The following CEP350 variants were observed in gnomAD, a reference collection of about 807,000 sequenced individuals.
The protein encoded by CEP350 is centrosomal protein 350.
Under a neutral mutation model 331.8 loss-of-function variants are expected in CEP350, and 126 were observed. The ratio of observed to expected loss-of-function variants is 0.38; its 90% CI spans 0.33 to 0.44. The LOEUF (loss-of-function observed/expected upper bound fraction) is 0.44, where lower values mean the gene tolerates loss of function less well. Among genes scored for constraint, CEP350 ranks in the 20% least tolerant of loss-of-function variants. CEP350 has a pLI of 1.00. For synonymous variants in CEP350, 1,200 were observed against 1,259.5 expected (o/e 0.95, Z 1.00); for missense variants, 3,406 against 3,634.6 (o/e 0.94, Z 1.62).
intron 29 of CEP350, among the ~76,000 whole-genome samples, chr1:180,080,304 A>T (rs769506937): frequency 6.6e-6 from 1 of 152,226 alleles, no homozygotes; most frequent in African/African-American, 2.4e-5. Flanking sequence ...CTTCAAAAAA[A>T]AATGAGGTCT....
chr1:180,014,197 C>T lies in CEP350; in HGVS notation c.1744C>T (p.Pro582Ser). ...TGACAAAATAACAGCTAATGAAGAT[C>T]CCCCTGTTATTTCCAAAAGGCGCCA... ...KPDKITANEDPPVISKRRHYD... is the reference protein window; with the variant it reads ...KPDKITANEDSPVISKRRHYD... The change falls in exon 10 of 38, where the codon CCC (proline) becomes TCC (serine). Residue 582 changes from proline to serine, a missense_variant. This residue lies in a region of CEP350 where 1,857 missense variants were observed against 1,909.2 expected (regional missense o/e 0.97). Coordinates refer to ENST00000367607, the MANE Select transcript of CEP350 (RefSeq NM_014810.5). 1 of 1,609,892 alleles carries T rather than the reference C, an allele frequency of 6.2e-7. No individual in the cohort carries two copies. Among genetic ancestry groups the T allele is most frequent in the Admixed American group, 1.7e-5 (1 of 59,284 alleles).
intron 29 of CEP350, 37 bp from the exon 30 acceptor site, chr1:180,080,480 C>G (rs373087251): frequency 1.3e-6 from 2 of 1,584,876 alleles, no homozygotes; most frequent in African/African-American, 2.7e-5. Flanking sequence ...ACAATTATAT[C>G]AAAAAATAGT....
At chr1:179,994,525 C>A (rs911619514) in intron 5 of CEP350, among the ~76,000 whole-genome samples, 5 of 150,420 alleles carry the variant, frequency 3.3e-5, no homozygotes, top group African/African-American at 4.9e-5. Context: ...CCAATCACAG[C>A]TCACTACAGC....
intron 27 of CEP350, chr1:180,073,684 G>A (rs1659040526): frequency 2.4e-6 from 2 of 822,938 alleles, no homozygotes; most frequent in African/African-American, 3.6e-5. Context: ...TGTTCTTCAG[G>A]AAGCATATTA....
chr1:180,052,019 G>A (rs777782119), intron 22 of CEP350, among the ~76,000 whole-genome samples: 1 of 152,118 alleles, frequency 6.6e-6, no homozygotes, highest in African/African-American at 2.4e-5. Flanking sequence ...ACATAAGTAC[G>A]AATTCATGTT....
chr1:180,076,661 C>T (rs1160348998), intron 28 of CEP350, among the ~76,000 whole-genome samples: 2 of 152,056 alleles, frequency 1.3e-5, no homozygotes, highest in Non-Finnish European at 2.9e-5. Context: ...TGGTGGCACA[C>T]ACCTGTGGTC....
intron 21 of CEP350, among the ~76,000 whole-genome samples, chr1:180,047,974 A>G (rs1657242396): frequency 6.6e-6 from 1 of 152,138 alleles, no homozygotes; most frequent in African/African-American, 2.4e-5. Context: ...GAAAAGTTGC[A>G]AGAATAATAG....
intron 4 of CEP350, among the ~76,000 whole-genome samples, chr1:179,991,240 C>T (rs1653033423): frequency 6.7e-6 from 1 of 150,170 alleles, no homozygotes; most frequent in Non-Finnish European, 1.5e-5. Flanking sequence ...CATATGGTGA[C>T]TGTCATAAAT....
chr1:180,034,221 C>T, intron 16 of CEP350, 139 bp downstream of exon 16: 1 of 1,139,878 alleles, frequency 8.8e-7, no homozygotes, highest in South Asian at 1.7e-5. Context: ...GTATTAAAAA[C>T]TGCAAGAAAT....
chr1:180,055,115 T>C (rs1298811423), intron 25 of CEP350, among the ~76,000 whole-genome samples: 1 of 152,218 alleles, frequency 6.6e-6, no homozygotes, highest in Non-Finnish European at 1.5e-5. Flanking sequence ...AGGGTTGTTT[T>C]AAGAAATAAG....
intron 37 of CEP350, among the ~76,000 whole-genome samples, chr1:180,099,917 C>G (rs1660705802): frequency 6.6e-6 from 1 of 151,848 alleles, no homozygotes; most frequent in African/African-American, 2.4e-5. Context: ...TCCCGAGTAG[C>G]TGGGATTACA....
chr1:180,049,843 A>G (rs183295627), intron 22 of CEP350, among the ~76,000 whole-genome samples: 51 of 152,144 alleles, frequency 3.4e-4, no homozygotes, highest in Non-Finnish European at 7.1e-4. Context: ...CGCCTGGCCT[A>G]CTTACCCTCT....
intron 1 of CEP350, among the ~76,000 whole-genome samples, chr1:179,977,488 T>C (rs954012525): frequency 5.3e-5 from 8 of 152,292 alleles, no homozygotes; most frequent in African/African-American, 1.9e-4. Context: ...TCCAGCCAAA[T>C]TGGTAATAGT....
At chr1:180,026,130 G>A (rs1418035044) in intron 14 of CEP350, among the ~76,000 whole-genome samples, 1 of 152,020 alleles carries the variant, frequency 6.6e-6, no homozygotes, top group Non-Finnish European at 1.5e-5. Flanking sequence ...AATTAGCCAG[G>A]CATGTTGGTG....
chr1:179,955,372 G>A (rs1475968805), intron 1 of CEP350, among the ~76,000 whole-genome samples: 1 of 152,126 alleles, frequency 6.6e-6, no homozygotes, highest in East Asian at 1.9e-4. Flanking sequence ...CCTTCCTTAC[G>A]TGCCAGTGTC....
At chr1:180,077,030 C>T (rs1211492279) in intron 28 of CEP350, among the ~76,000 whole-genome samples, 1 of 151,984 alleles carries the variant, frequency 6.6e-6, no homozygotes, top group Admixed American at 6.6e-5. Flanking sequence ...CTACACAGTA[C>T]ATTTAAGGCT....
Position 179,974,055 on chromosome 1 carries a change from TG to T in CEP350, c.-13-12113del, listed in dbSNP as rs201226451. ...CCTTTATTTTTTTCTGTTTTTTTTT[TG>T]TTGTTGTTGCTGGTGTTTGTTTGTT... On this transcript the variant is annotated intron_variant, in intron 1 of 37. Transcript: ENST00000367607. 3.5e-3 allele frequency among the ~76,000 whole-genome samples: 522 copies of T among 148,130 alleles called. 3 individuals carry two copies. Among genetic ancestry groups the T allele is most frequent in the South Asian group, 0.01 (48 of 4,640 alleles).
Position 180,022,560 on chromosome 1 carries a change from G to A in CEP350, c.3236-138G>A, listed in dbSNP as rs1366293665. The A allele has an allele frequency of 3.1e-5, 20 of 650,728 alleles. No individual in the cohort carries two copies. In the East Asian group the frequency reaches 4.2e-4, roughly 14 times the overall value. The allele number at this position is 650,728 out of a possible 1,614,324, so 40.3% of individuals were successfully genotyped here. A position where few individuals can be genotyped will look rare whatever the true frequency, so the allele number is the denominator to read the frequency against. On this transcript the variant is annotated intron_variant, in intron 12 of 37. Coordinates refer to ENST00000367607, the MANE Select transcript of CEP350 (RefSeq NM_014810.5). ...TTAAAAAAGTATCATTGGATATAAA[G>A]GTAAATAGAAAAGAGGCACTATTAA...
At chr1:180,083,938 A>T in intron 30 of CEP350, 80 bp from the exon 31 acceptor site, 1 of 655,460 alleles carries the variant, frequency 1.5e-6, no homozygotes, top group Non-Finnish European at 2.5e-6. Context: ...ATATTACATT[A>T]CAGCTTTTTA....
Sources: allele counts gnomAD v4.1 joint callset (sites outside exome capture counted in the v4.1 genomes callset), GRCh38; gene constraint gnomAD v4.1.1; regional missense constraint gnomAD v4.1.1; transcripts MANE v1.5; gene names NCBI Gene and HGNC (gene_info 2026-07-23, HGNC 2026-07-21).